Variants in DOCK2 observed in about 807,000 individuals in gnomAD.
The protein encoded by DOCK2 is dedicator of cytokinesis 2.
Under a neutral mutation model 248.9 loss-of-function variants are expected in DOCK2, and 87 were observed. The ratio of observed to expected loss-of-function variants is 0.35; its 90% CI spans 0.29 to 0.42. The LOEUF is 0.42. DOCK2 is among the 10% of genes least tolerant of loss of function. The probability of loss-of-function intolerance (pLI) is 1.00; values close to 1 mark genes in which losing one functional copy is unlikely to be tolerated. For synonymous variants in DOCK2, 805 were observed against 821.6 expected, an observed-to-expected ratio of 0.98 and a Z score of 0.35; for missense variants, 1,747 against 2,300.2, an observed-to-expected ratio of 0.76 and a Z score of 4.92.
intron 20 of DOCK2, among the ~76,000 whole-genome samples, chr5:169,716,542 A>G (rs972332505): frequency 6.6e-6 from 1 of 152,236 alleles, no homozygotes; most frequent in African/African-American, 2.4e-5. Context: ...CTGATGTCAG[A>G]TTGACACTGG....
At chr5:169,677,503 T>C (rs1362794709) in intron 6 of DOCK2, among the ~76,000 whole-genome samples, 1 of 152,226 alleles carries the variant, frequency 6.6e-6, no homozygotes, top group Admixed American at 6.5e-5. Flanking sequence ...GTATGTTACA[T>C]ACATGTTTAC....
In DOCK2 at chr5:169,696,068, C is replaced by G. The variant is rs1760606699; in HGVS notation, c.979+130C>G. 5 of 1,233,592 alleles carry G rather than the reference C, an allele frequency of 4.1e-6. No individual in the cohort carries two copies. In the South Asian group the frequency reaches 9.2e-5, roughly 23 times the overall value. 76.4% of individuals were successfully genotyped at this position (1,233,592 alleles called of 1,614,324 possible). On this transcript the variant is annotated intron_variant, in intron 10 of 51. Transcript: ENST00000520908. ...CCTGCAAAATTTATGCCAGACAGCC[C>G]TTAATAACTACATTTCTGGTGACTA... is the stretch of plus-strand genomic sequence containing the variant.
chr5:169,996,589 A>G (rs902758994), intron 30 of DOCK2, among the ~76,000 whole-genome samples: 2 of 152,194 alleles, frequency 1.3e-5, no homozygotes, highest in African/African-American at 4.8e-5. Flanking sequence ...AGTCATTTTT[A>G]GTGCTCAGCC....
chr5:169,845,423 C>A (rs1214014947), intron 27 of DOCK2, among the ~76,000 whole-genome samples: 2 of 152,154 alleles, frequency 1.3e-5, no homozygotes, highest in African/African-American at 4.8e-5. Context: ...CGAGGTCAGG[C>A]ACCCTGTTTT....
chr5:169,898,513 G>GCACA (rs374367406), intron 27 of DOCK2, among the ~76,000 whole-genome samples: 2 of 150,800 alleles, frequency 1.3e-5, no homozygotes, highest in African/African-American at 2.5e-5. Flanking sequence ...TCCTCTACAT[G>GCACA]CACACACACA....
In DOCK2 at chr5:170,055,338, A is replaced by C. The variant is rs1393466894; in HGVS notation, c.4247A>C (p.Asp1416Ala). The C allele has an allele frequency of 6.2e-7, 1 of 1,614,092 alleles. No individual in the cohort carries two copies. ...TGCTTCACTGTCCAGCCTGTCTTGG[A>C]TGAACATCCCAGGTTCAAGAATAAG... ...IQCFTVQPVL[D>A]EHPRFKNKPV... The change falls in exon 42 of 52, where the codon GAT (aspartate) becomes GCT (alanine). Residue 1416 changes from aspartate (D) to alanine (A), a missense_variant. Physicochemically the swap from Asp to Ala is moderately radical, Grantham distance 126 (BLOSUM62 -2). This residue lies in a region of DOCK2 where 513 missense variants were observed against 586.1 expected (regional missense o/e 0.88). Transcript: ENST00000520908.
At chr5:169,835,673 A>G (rs147496395) in intron 26 of DOCK2, among the ~76,000 whole-genome samples, 127 of 152,334 alleles carry the variant, frequency 8.3e-4, no homozygotes, top group Middle Eastern at 6.8e-3. Flanking sequence ...CCAAAATAAC[A>G]ATTACAACAG....
At chr5:169,915,483 A>G (rs1774823041) in intron 27 of DOCK2, among the ~76,000 whole-genome samples, 1 of 151,980 alleles carries the variant, frequency 6.6e-6, no homozygotes, top group South Asian at 2.1e-4. Flanking sequence ...ATTGAATCTC[A>G]GATGTTTTAA....
At chr5:170,026,160 A>G (rs2113829384) in intron 33 of DOCK2, among the ~76,000 whole-genome samples, 1 of 152,292 alleles carries the variant, frequency 6.6e-6, no homozygotes, top group South Asian at 2.1e-4. Flanking sequence ...GGCATCACGG[A>G]TGATGTGTGA....
intron 30 of DOCK2, among the ~76,000 whole-genome samples, chr5:169,998,731 C>T (rs1208338515): frequency 1.3e-5 from 2 of 152,208 alleles, no homozygotes; most frequent in East Asian, 3.8e-4. Flanking sequence ...ATGACTACAG[C>T]CACGTGCCTG....
chr5:169,690,090 G>A (rs943257636), intron 9 of DOCK2, among the ~76,000 whole-genome samples: 8 of 137,220 alleles, frequency 5.8e-5, no homozygotes, highest in African/African-American at 1.6e-4. Flanking sequence ...GTCTCACTCT[G>A]TTGCCCAGGC....
intron 27 of DOCK2, among the ~76,000 whole-genome samples, chr5:169,977,257 G>A (rs999777059): frequency 1.1e-4 from 16 of 152,170 alleles, no homozygotes; most frequent in African/African-American, 3.4e-4. Context: ...CATGTTCAGC[G>A]GCAGAGGCTC....
At chr5:170,056,555 A>G (rs777705911) in intron 42 of DOCK2, 129 bp from the exon 43 acceptor site, 2 of 664,274 alleles carry the variant, frequency 3.0e-6, no homozygotes, top group Admixed American at 2.9e-5. Flanking sequence ...TTGATTTTAA[A>G]TGCACCACAA....
chr5:169,725,710 T>C (rs1762435080), intron 22 of DOCK2, among the ~76,000 whole-genome samples: 1 of 147,572 alleles, frequency 6.8e-6, no homozygotes, highest in Non-Finnish European at 1.5e-5. Flanking sequence ...CATGTGTCCA[T>C]GTGTTCTCAT....
chr5:169,761,675 C>T, intron 25 of DOCK2, 50 bp downstream of exon 25: 1 of 1,526,046 alleles, frequency 6.6e-7, no homozygotes, highest in Non-Finnish European at 9.0e-7. Context: ...CAATAAACCC[C>T]ACATCATTTT....
At chr5:169,650,561 T>C (rs1047036215) in intron 1 of DOCK2, among the ~76,000 whole-genome samples, 1 of 152,218 alleles carries the variant, frequency 6.6e-6, no homozygotes, top group African/African-American at 2.4e-5. Context: ...ATAGAGTACT[T>C]CAATATGTTT....
intron 9 of DOCK2, 97 bp from the exon 10 acceptor site, chr5:169,695,706 A>T: frequency 6.5e-7 from 1 of 1,548,832 alleles, no homozygotes; most frequent in Non-Finnish European, 8.8e-7. Flanking sequence ...CAAGTATTAT[A>T]TACATCCCTC....
At position 169,699,388 on chromosome 5, in the gene DOCK2, A is replaced by G. The variant is rs143288655; in HGVS notation, c.1062A>G (p.Thr354=). The G allele has an allele frequency of 9.8e-5, 158 of 1,613,316 alleles. 1 individual carries two copies. In the African/African-American group the frequency reaches 1.8e-3, roughly 18 times the overall value. Residue 354 remains threonine (T), a synonymous_variant, in exon 12 of 52, where the codon ACA becomes ACG. Coordinates refer to ENST00000520908, the MANE Select transcript of DOCK2 (RefSeq NM_004946.3). ...KQHFIPFHPV[T]AENDFLHSLL... is the part of the protein sequence containing the mutation. Reference sequence around the variant, plus strand: ...GCTCTCTTTTCCTTTCCAGGGTTACAGCTGAGAATGACTTCCTACACAGCC... The same window carrying G: ...GCTCTCTTTTCCTTTCCAGGGTTACGGCTGAGAATGACTTCCTACACAGCC...
intron 30 of DOCK2, chr5:170,000,346 C>T (rs1754789021): frequency 6.6e-6 from 1 of 152,138 alleles, no homozygotes; most frequent in Non-Finnish European, 1.5e-5. Context: ...TTGTGATATA[C>T]CCATTTCCCT....
Sources: allele counts gnomAD v4.1 joint callset (sites outside exome capture counted in the v4.1 genomes callset), GRCh38; gene constraint gnomAD v4.1.1; regional missense constraint gnomAD v4.1.1; transcripts MANE v1.5; gene names NCBI Gene and HGNC (gene_info 2026-07-23, HGNC 2026-07-21).